CDH4: variants seen among roughly 807,000 people sequenced by gnomAD.
CDH4 encodes cadherin-4.
A neutral mutation model predicts 86.0 loss-of-function variants in CDH4; 33 were observed. The observed-to-expected ratio is 0.38, with a 90% confidence interval of 0.29 to 0.51. The LOEUF is 0.51. CDH4 is among the 20% of genes least tolerant of loss of function. The probability of loss-of-function intolerance (pLI) is 0.86; values close to 1 mark genes in which losing one functional copy is unlikely to be tolerated. For synonymous variants in CDH4, 555 were observed against 549.4 expected (o/e 1.01, Z -0.14); for missense variants, 1,114 against 1,307.4 (o/e 0.85, Z 2.28).
rs924202664 is a variant in CDH4 at position 61,356,172 on chromosome 20, T to C, written c.169+101235T>C. On this transcript the variant is annotated intron_variant, in intron 2 of 15. Transcript: ENST00000614565. ...TGCCAGTGCTTTTCTATGAAGTGCC[T>C]CATCTGGAATGACCACTGTTCCTAT... Among the ~76,000 whole-genome samples, 8 of 152,302 alleles carry C rather than the reference T, an allele frequency of 5.3e-5. No individual in the cohort carries two copies. The East Asian group carries it at 1.5e-3, about 29-fold the overall frequency.
chr20:61,505,525 A>AG (rs2085734259), intron 2 of CDH4, among the ~76,000 whole-genome samples: 3 of 152,214 alleles, frequency 2.0e-5, no homozygotes, highest in East Asian at 1.9e-4. Context: ...GGGACTATGC[A>AG]GGGGGCCCCA....
rs1323260368 is a variant in CDH4 at position 61,269,614 on chromosome 20, TTTAA to T, written c.169+14685_169+14688del. On this transcript the variant is annotated intron_variant, in intron 2 of 15. Transcript: ENST00000614565. This position sits in a 1 kb window ranked among gnomAD's most constrained non-coding sequence, Gnocchi z 5.3. ...ATTATTTATTAGTTATAATTATTTA[TTTAA>T]TTAATTATACTTATTTATTAATGTA... 1.3e-5 allele frequency among the ~76,000 whole-genome samples: 2 copies of T among 152,088 alleles called. No individual in the cohort carries two copies. The highest frequency in any genetic ancestry group is 6.5e-5 in the Admixed American group (1 of 15,274).
chr20:61,484,938 C>A (rs148448449), intron 2 of CDH4, among the ~76,000 whole-genome samples: 1 of 152,312 alleles, frequency 6.6e-6, no homozygotes, highest in Non-Finnish European at 1.5e-5. Context: ...GATAAAGGTG[C>A]CAGTGTTTTC....
chr20:61,410,200 A>T (rs1173266003), intron 2 of CDH4, among the ~76,000 whole-genome samples: 1 of 152,216 alleles, frequency 6.6e-6, no homozygotes, highest in African/African-American at 2.4e-5. Context: ...ACTTGTGTTC[A>T]TCTATCCATC....
intron 2 of CDH4, among the ~76,000 whole-genome samples, chr20:61,547,210 TTTTTTTTTTTTTTG>T (rs1202111512): frequency 4.6e-5 from 4 of 86,586 alleles, no homozygotes; most frequent in East Asian, 6.0e-4. Flanking sequence ...TTTTTTTTTT[TTTTTTTTTTTTTTG>T]CCCCCTGAGA....
intron 2 of CDH4, among the ~76,000 whole-genome samples, chr20:61,452,460 G>T (rs2085386315): frequency 6.6e-6 from 1 of 152,106 alleles, no homozygotes; most frequent in African/African-American, 2.4e-5. Flanking sequence ...GAATAGCCAC[G>T]TTTTCGATAT....
intron 8 of CDH4, among the ~76,000 whole-genome samples, chr20:61,899,496 C>T (rs967824539): frequency 6.6e-5 from 10 of 152,070 alleles, no homozygotes; most frequent in African/African-American, 1.4e-4. Flanking sequence ...GGCGTGGTCT[C>T]GGCTCACTGC....
rs376734572 is a variant in CDH4 at position 61,787,132 on chromosome 20, G to A, written c.576+13950G>A. Among the ~76,000 whole-genome samples the A allele has an allele frequency of 1.1e-4, 16 of 151,792 alleles. 1 individual carries two copies. Among genetic ancestry groups the A allele is most frequent in the East Asian group, 3.9e-4 (2 of 5,170 alleles). The stretch of plus-strand genomic sequence containing the variant: ...CATCCATCCATCCATCCGTCTGTCC[G>A]TCCATCCATCCATCCATCTATCCCT... On this transcript the variant is annotated intron_variant, in intron 4 of 15. Transcript: ENST00000614565.
intron 2 of CDH4, among the ~76,000 whole-genome samples, chr20:61,702,156 T>C (rs955392689): frequency 6.6e-6 from 1 of 152,184 alleles, no homozygotes; most frequent in Non-Finnish European, 1.5e-5. Flanking sequence ...ATGCTGAGAG[T>C]TGGCCGAGAA....
chr20:61,908,425 C>T (rs1425033140), intron 8 of CDH4, among the ~76,000 whole-genome samples: 3 of 152,184 alleles, frequency 2.0e-5, no homozygotes, highest in African/African-American at 7.2e-5. Flanking sequence ...GGGGCCTCCA[C>T]GCTCATGACA....
At position 61,377,264 on chromosome 20, in the gene CDH4, G is replaced by A. The variant is rs372765004; in HGVS notation, c.169+122327G>A. On this transcript the variant is annotated intron_variant, in intron 2 of 15. Coordinates refer to ENST00000614565, the MANE Select transcript of CDH4 (RefSeq NM_001794.5). The surrounding 1 kb of genome is among the most constrained non-coding windows in gnomAD (Gnocchi z 4.0). ...GGGGCTCTGGTGAGGGGCAGTGGCC[G>A]TGTTGCACTTTGTCACAGCATCATT... 3.3e-4 allele frequency among the ~76,000 whole-genome samples: 51 copies of A among 152,304 alleles called. No individual in the cohort carries two copies. Among genetic ancestry groups the A allele is most frequent in the South Asian group, 1.5e-3 (7 of 4,826 alleles).
chr20:61,902,734 C>T lies in CDH4; in HGVS notation c.1188+7687C>T, dbSNP rs529185680. ...GGCTTGTTGTCGAGCCCTGACTTCA[C>T]CTATAGCAAAGAGGCTACATAGGTG... On this transcript the variant is annotated intron_variant, in intron 8 of 15. Coordinates refer to ENST00000614565, the MANE Select transcript of CDH4 (RefSeq NM_001794.5). The surrounding 1 kb of genome is among the most constrained non-coding windows in gnomAD (Gnocchi z 4.6). Among the ~76,000 whole-genome samples the T allele has an allele frequency of 3.9e-4, 60 of 152,286 alleles. 3 individuals carry two copies. The South Asian group carries it at 0.012, about 32-fold the overall frequency.
rs190817512 is a variant in CDH4, at chr20:61,804,183, C to T, written c.576+31001C>T. On this transcript the variant is annotated intron_variant, in intron 4 of 15. Transcript: ENST00000614565. ...CCTGCCTGCATGGCGGCCTGAGAGC[C>T]GCCCGAACTGCTGTGCTGAGGACGG... is the stretch of plus-strand genomic sequence containing the variant. 3.3e-4 allele frequency among the ~76,000 whole-genome samples: 51 copies of T among 152,346 alleles called. No individual in the cohort carries two copies. In the East Asian group the frequency reaches 8.9e-3, roughly 27 times the overall value.
intron 6 of CDH4, among the ~76,000 whole-genome samples, chr20:61,861,997 C>T (rs913021360): frequency 6.6e-6 from 1 of 152,336 alleles, no homozygotes. Context: ...GCAAACGTCC[C>T]AGGCCACTGT....
intron 2 of CDH4, among the ~76,000 whole-genome samples, chr20:61,410,325 A>G (rs779763050): frequency 2.6e-5 from 4 of 151,974 alleles, no homozygotes; most frequent in Non-Finnish European, 4.4e-5. Context: ...TAGTCTCTCC[A>G]TTCTTCCATC....
At chr20:61,435,987 C>T (rs1014583424) in intron 2 of CDH4, among the ~76,000 whole-genome samples, 29 of 152,048 alleles carry the variant, frequency 1.9e-4, no homozygotes, top group African/African-American at 6.8e-4. Context: ...AGTCTGGCCA[C>T]ACTTGCCTTC....
In CDH4 at chr20:61,571,551, C is replaced by A. The variant is rs368147247; in HGVS notation, c.170-172012C>A. On this transcript the variant is annotated intron_variant, in intron 2 of 15. Transcript: ENST00000614565. ...AAAACCCACCTGTGAGGGACCAGTA[C>A]AGGAACTGGCATGGGTCTTTCTGCA... Among the ~76,000 whole-genome samples, 7 of 152,324 alleles carry A rather than the reference C, an allele frequency of 4.6e-5. No individual in the cohort carries two copies. The East Asian group carries it at 5.8e-4, about 13-fold the overall frequency.
chr20:61,265,746 A>G (rs897921602), intron 2 of CDH4, among the ~76,000 whole-genome samples: 2 of 152,230 alleles, frequency 1.3e-5, no homozygotes, highest in African/African-American at 2.4e-5. Context: ...AAACTGAGGC[A>G]TGGAGCCATT....
chr20:61,336,475 A>T (rs1485394147), intron 2 of CDH4, among the ~76,000 whole-genome samples: 1 of 151,936 alleles, frequency 6.6e-6, no homozygotes, highest in Non-Finnish European at 1.5e-5. Context: ...TTCTCATGGC[A>T]CCTGTTCCTC....
Sources: allele counts gnomAD v4.1 joint callset (sites outside exome capture counted in the v4.1 genomes callset), GRCh38; gene constraint gnomAD v4.1.1; non-coding constraint Gnocchi (gnomAD v3.1); transcripts MANE v1.5; gene names NCBI Gene and HGNC (gene_info 2026-07-23, HGNC 2026-07-21).